ARHGEF7: variants seen among roughly 807,000 people sequenced by gnomAD.
ARHGEF7 encodes the protein Rho guanine nucleotide exchange factor 7.
Under a neutral mutation model 109.8 loss-of-function variants are expected in ARHGEF7, and 33 were observed. The ratio of observed to expected loss-of-function variants is 0.30; its 90% CI spans 0.23 to 0.40. ARHGEF7 has a LOEUF of 0.40. Among genes scored for constraint, ARHGEF7 ranks in the 10% least tolerant of loss-of-function variants. The probability of loss-of-function intolerance (pLI) is 1.00; values close to 1 mark genes in which losing one functional copy is unlikely to be tolerated. For missense variants in ARHGEF7, 938 were observed against 1,098.5 expected, an observed-to-expected ratio of 0.85 and a Z score of 2.07; for synonymous variants, 458 against 424.6, an observed-to-expected ratio of 1.08 and a Z score of -0.97.
intron 2 of ARHGEF7, among the ~76,000 whole-genome samples, chr13:111,166,822 C>T (rs143145465): frequency 6.6e-6 from 1 of 152,288 alleles, no homozygotes; most frequent in African/African-American, 2.4e-5. Flanking sequence ...GGGATATCAG[C>T]TTCAGACTTC....
intron 12 of ARHGEF7, chr13:111,275,883 A>C (rs745565622): frequency 2.9e-5 from 17 of 595,322 alleles, no homozygotes; most frequent in Non-Finnish European, 4.3e-5. Flanking sequence ...CTTGTTGATC[A>C]GTTTGATCCA....
chr13:111,263,567 C>T (rs2091319126), intron 8 of ARHGEF7, among the ~76,000 whole-genome samples: 1 of 152,210 alleles, frequency 6.6e-6, no homozygotes, highest in South Asian at 2.1e-4. Context: ...AAGAATTTAA[C>T]CCATTGTGGG....
chr13:111,119,351 GAC>G (rs2153312486), intron 1 of ARHGEF7, among the ~76,000 whole-genome samples: 1 of 152,346 alleles, frequency 6.6e-6, no homozygotes, highest in African/African-American at 2.4e-5. Flanking sequence ...TTCAGCTCAT[GAC>G]AGGTTGTTTC....
intron 1 of ARHGEF7, among the ~76,000 whole-genome samples, chr13:111,150,231 T>C (rs559829019): frequency 2.5e-4 from 38 of 152,362 alleles, no homozygotes; most frequent in African/African-American, 8.9e-4. Flanking sequence ...TGCTTAAATG[T>C]GAGGCCACGT....
At chr13:111,293,041 G>GC in intron 19 of ARHGEF7, 11 of 985,378 alleles carry the variant, frequency 1.1e-5, no homozygotes, top group Non-Finnish European at 1.3e-5. Flanking sequence ...ATGTTCACTC[G>GC]CATCTTCACC....
chr13:111,244,256 C>T lies in ARHGEF7; in HGVS notation c.912C>T (p.Phe304=), dbSNP rs2088365448. 1.2e-6 allele frequency: 2 copies of T among 1,610,314 alleles called. No individual in the cohort carries two copies. The highest frequency in any genetic ancestry group is 1.3e-5 in the African/African-American group (1 of 74,850). The change falls in exon 8 of 22, where the codon TTC becomes TTT. Residue 304 remains phenylalanine (F), a synonymous_variant. Transcript: ENST00000646102. Reference sequence around the variant, plus strand: ...GAAATCTAGAAGAAATATGTTCTTTCCAGCAAATGCTCGTACAGTCTTTAG... The same window carrying T: ...GAAATCTAGAAGAAATATGTTCTTTTCAGCAAATGCTCGTACAGTCTTTAG... ...LMGNLEEICS[F]QQMLVQSLEE...
chr13:111,153,841 C>A, intron 1 of ARHGEF7, 64 bp from the exon 2 acceptor site: 1 of 1,556,888 alleles, frequency 6.4e-7, no homozygotes, highest in South Asian at 1.2e-5. Context: ...GGGCGTCGCT[C>A]GGCCTTGTCC....
Position 111,165,200 on chromosome 13 carries a change from A to G in ARHGEF7, c.252+11209A>G, listed in dbSNP as rs540858692. Among the ~76,000 whole-genome samples the G allele has an allele frequency of 9.8e-4, 150 of 152,298 alleles. 1 individual carries two copies. The highest frequency in any genetic ancestry group is 5.2e-3 in the East Asian group (27 of 5,186). Reference sequence around the variant, plus strand: ...CTTGTAAGGTTCCTTCAAAGCCTGAATTGTGTGAGTCAGTGATGCAGCTAC... The same window carrying G: ...CTTGTAAGGTTCCTTCAAAGCCTGAGTTGTGTGAGTCAGTGATGCAGCTAC... On this transcript the variant is annotated intron_variant, in intron 2 of 21. Coordinates refer to ENST00000646102, the MANE Select transcript of ARHGEF7 (RefSeq NM_001354046.2).
At chr13:111,293,365 A>G (rs1027508984) in intron 19 of ARHGEF7, 9 of 984,572 alleles carry the variant, frequency 9.1e-6, no homozygotes, top group Non-Finnish European at 1.1e-5. Context: ...GTATAAAACC[A>G]CAATGCCTCA....
intron 1 of ARHGEF7, among the ~76,000 whole-genome samples, chr13:111,146,960 T>G (rs938944124): frequency 3.3e-5 from 5 of 152,232 alleles, no homozygotes; most frequent in Admixed American, 3.3e-4. Flanking sequence ...CTCTGCCTGG[T>G]TAGAGTTCTT....
intron 19 of ARHGEF7, chr13:111,293,336 C>T: frequency 1.0e-6 from 1 of 985,230 alleles, no homozygotes; most frequent in Non-Finnish European, 1.2e-6. Context: ...AGTGAAACTC[C>T]ATTTACAGCA....
intron 2 of ARHGEF7, among the ~76,000 whole-genome samples, chr13:111,170,157 G>T: frequency 6.6e-6 from 1 of 152,232 alleles, no homozygotes; most frequent in East Asian, 1.9e-4. Context: ...GAGTGCAGTG[G>T]TGTGATTTCA....
At chr13:111,302,292 G>A (rs2093587282) in intron 21 of ARHGEF7, among the ~76,000 whole-genome samples, 1 of 152,174 alleles carries the variant, frequency 6.6e-6, no homozygotes, top group African/African-American at 2.4e-5. Context: ...TGCACGGAAT[G>A]TGAGTACGAG....
chr13:111,260,227 A>G (rs2090938568), intron 8 of ARHGEF7, among the ~76,000 whole-genome samples: 1 of 152,242 alleles, frequency 6.6e-6, no homozygotes, highest in Non-Finnish European at 1.5e-5. Context: ...TCCCAAACAG[A>G]GAGAAAGGTA....
chr13:111,283,417 C>T, intron 16 of ARHGEF7, 54 bp downstream of exon 16: 1 of 1,522,122 alleles, frequency 6.6e-7, no homozygotes. Flanking sequence ...TGCCTCGGGC[C>T]CTGGGTGTGC....
chr13:111,289,348 T>C (rs2093171232), intron 18 of ARHGEF7, among the ~76,000 whole-genome samples: 1 of 152,234 alleles, frequency 6.6e-6, no homozygotes, highest in Non-Finnish European at 1.5e-5. Flanking sequence ...GGTGGCTTTT[T>C]TTCTTTAAAT....
chr13:111,197,346 G>C (rs2080648428), intron 2 of ARHGEF7, among the ~76,000 whole-genome samples: 1 of 152,198 alleles, frequency 6.6e-6, no homozygotes. Flanking sequence ...AAGGAGGACT[G>C]AGGAAGGTTG....
chr13:111,135,182 A>G (rs1477528144), intron 1 of ARHGEF7, among the ~76,000 whole-genome samples: 6 of 152,228 alleles, frequency 3.9e-5, no homozygotes, highest in Non-Finnish European at 5.9e-5. Flanking sequence ...TACCAGTACC[A>G]TGCTGTTTTG....
Position 111,303,133 on chromosome 13 carries a change from C to G in ARHGEF7, c.*20C>G. ...CTATAAGGGATGTCCTCAGTTCTTTCTGTTGAAGACCAGTTCTGAGGTGAA... is the reference window on the plus strand; with the variant it reads ...CTATAAGGGATGTCCTCAGTTCTTTGTGTTGAAGACCAGTTCTGAGGTGAA... On this transcript the variant is annotated 3_prime_UTR_variant, in exon 22 of 22. Transcript: ENST00000646102. 6.5e-7 allele frequency: 1 copy of G among 1,534,248 alleles called. No homozygotes were observed. The highest frequency in any genetic ancestry group is 8.8e-7 in the Non-Finnish European group (1 of 1,131,768).
Sources: allele counts gnomAD v4.1 joint callset (sites outside exome capture counted in the v4.1 genomes callset), GRCh38; gene constraint gnomAD v4.1.1; transcripts MANE v1.5; gene names NCBI Gene and HGNC (gene_info 2026-07-23, HGNC 2026-07-21).